OSBPL1A: variants seen among roughly 807,000 people sequenced by gnomAD.
The protein encoded by OSBPL1A is oxysterol-binding protein-related protein 1.
OSBPL1A carries 80 observed loss-of-function variants against 137.1 expected under a neutral mutation model. That is an observed-to-expected ratio of 0.58 (90% confidence interval 0.49 to 0.70). OSBPL1A has a LOEUF of 0.70. OSBPL1A is among the 30% of genes least tolerant of loss of function. OSBPL1A has a pLI of 0.00. For synonymous variants in OSBPL1A, 365 were observed against 389.7 expected, an observed-to-expected ratio of 0.94 and a Z score of 0.75; for missense variants, 970 against 1,129.4, an observed-to-expected ratio of 0.86 and a Z score of 2.02.
chr18:24,180,965 G>A (rs1321371292), intron 19 of OSBPL1A, among the ~76,000 whole-genome samples, 180 bp downstream of exon 19: 2 of 152,122 alleles, frequency 1.3e-5, no homozygotes, highest in African/African-American at 2.4e-5. Context: ...AATACTCATC[G>A]GTCTCTGCAC....
At chr18:24,207,095 C>T (rs115851215) in intron 17 of OSBPL1A, among the ~76,000 whole-genome samples, 47 of 152,232 alleles carry the variant, frequency 3.1e-4, no homozygotes, top group African/African-American at 1.1e-3. Context: ...ATGAAGAACA[C>T]AACAATCATT....
At chr18:24,243,189 G>C (rs887763755) in intron 15 of OSBPL1A, among the ~76,000 whole-genome samples, 1 of 152,038 alleles carries the variant, frequency 6.6e-6, no homozygotes, top group Non-Finnish European at 1.5e-5. Flanking sequence ...TCACGCCGTC[G>C]CACTCCAGCC....
intron 1 of OSBPL1A, among the ~76,000 whole-genome samples, chr18:24,396,846 C>G (rs995732971): frequency 1.3e-5 from 2 of 152,150 alleles, no homozygotes; most frequent in African/African-American, 4.8e-5. Context: ...AACTCCAAAT[C>G]CAGAATGCAC....
In OSBPL1A at chr18:24,259,487, G is replaced by T. The variant is rs568157632; in HGVS notation, c.1282-20105C>A. ...TCTGGCCAAGAAGAATGGAAATATT[G>T]TGCAAAGGATAGTAGAACTAATTAA... On this transcript the variant is annotated intron_variant, in intron 15 of 27. Transcript: ENST00000319481. Among the ~76,000 whole-genome samples the T allele has an allele frequency of 8.7e-4, 132 of 152,244 alleles. 1 individual carries two copies. Among genetic ancestry groups the T allele is most frequent in the African/African-American group, 3.0e-3 (126 of 41,550 alleles).
intron 1 of OSBPL1A, among the ~76,000 whole-genome samples, chr18:24,389,659 G>A (rs1434286346): frequency 6.6e-6 from 1 of 152,128 alleles, no homozygotes. Context: ...ATACAGAATT[G>A]GCCAGGTGCG....
intron 7 of OSBPL1A, among the ~76,000 whole-genome samples, chr18:24,330,006 G>A (rs945389671): frequency 6.6e-6 from 1 of 152,128 alleles, no homozygotes; most frequent in South Asian, 2.1e-4. Flanking sequence ...GTGGATCCAC[G>A]ACGGTACTTA....
chr18:24,164,396 T>C (rs887101201), intron 27 of OSBPL1A, among the ~76,000 whole-genome samples: 1 of 150,244 alleles, frequency 6.7e-6, no homozygotes, highest in Admixed American at 6.6e-5. Flanking sequence ...ACAGCCATTA[T>C]GGAAAACAGT....
chr18:24,194,931 T>A (rs536502064), intron 18 of OSBPL1A, among the ~76,000 whole-genome samples: 78 of 152,356 alleles, frequency 5.1e-4, no homozygotes, highest in African/African-American at 1.7e-3. Context: ...TTAATGTTTA[T>A]GAAATTTGTT....
chr18:24,227,502 G>C (rs1439477993), intron 16 of OSBPL1A, among the ~76,000 whole-genome samples: 2 of 152,322 alleles, frequency 1.3e-5, no homozygotes, highest in East Asian at 3.9e-4. Context: ...TCTGGTTCAG[G>C]TAAACAGATG....
In OSBPL1A at chr18:24,280,872, A is replaced by G; in HGVS notation, c.1251T>C (p.Asp417=). The G allele has an allele frequency of 1.9e-6, 3 of 1,605,174 alleles. No homozygotes were observed. The highest frequency in any genetic ancestry group is 2.5e-6 in the Non-Finnish European group (3 of 1,177,526). Reference sequence around the variant, plus strand: ...CTTGTTTGGTGAAGAGATTAAGGCAATCAGTCAAAGCTACACAAGTTTCTC... The same window carrying G: ...CTTGTTTGGTGAAGAGATTAAGGCAGTCAGTCAAAGCTACACAAGTTTCTC... The part of the protein sequence containing the change: ...ASRETCVALT[D]CLNLFTKQEG... The change falls in exon 15 of 28, where the codon GAT becomes GAC. Residue 417 remains aspartate (D), a synonymous_variant. Transcript: ENST00000319481.
At chr18:24,239,670 G>A (rs2146009127) in intron 15 of OSBPL1A, among the ~76,000 whole-genome samples, 1 of 152,104 alleles carries the variant, frequency 6.6e-6, no homozygotes, top group East Asian at 1.9e-4. Context: ...AGTCAATTCA[G>A]AAATCATACA....
chr18:24,315,730 T>C (rs1196502820), intron 11 of OSBPL1A, among the ~76,000 whole-genome samples: 4 of 121,514 alleles, frequency 3.3e-5, no homozygotes, highest in Admixed American at 2.2e-4. Context: ...ATGTAATATA[T>C]TATATAATAA....
At chr18:24,360,743 A>C (rs2091609101) in intron 4 of OSBPL1A, among the ~76,000 whole-genome samples, 1 of 151,958 alleles carries the variant, frequency 6.6e-6, no homozygotes, top group Non-Finnish European at 1.5e-5. Context: ...TTTTCTTCTC[A>C]CCTCCTAAAG....
chr18:24,280,212 T>TG, intron 15 of OSBPL1A, among the ~76,000 whole-genome samples: 1 of 152,234 alleles, frequency 6.6e-6, no homozygotes, highest in African/African-American at 2.4e-5. Context: ...CCCAAAGCGC[T>TG]GGGATTATAG....
chr18:24,298,711 C>T (rs1355196725), intron 14 of OSBPL1A, among the ~76,000 whole-genome samples: 2 of 152,236 alleles, frequency 1.3e-5, no homozygotes, highest in Admixed American at 6.5e-5. Context: ...GACCCCTTTC[C>T]TGTAACAGAA....
intron 16 of OSBPL1A, among the ~76,000 whole-genome samples, chr18:24,236,105 A>T (rs1482752217): frequency 6.6e-6 from 1 of 152,182 alleles, no homozygotes; most frequent in African/African-American, 2.4e-5. Context: ...TGATGTTGGA[A>T]CTTCTGACCA....
chr18:24,218,660 G>A (rs1435191170), intron 17 of OSBPL1A, among the ~76,000 whole-genome samples: 6 of 151,882 alleles, frequency 4.0e-5, no homozygotes, highest in Non-Finnish European at 5.9e-5. Context: ...TGGCCAGGCT[G>A]GTCTCGAACT....
intron 2 of OSBPL1A, 21 bp downstream of exon 2, chr18:24,377,392 C>T: frequency 1.3e-6 from 2 of 1,596,274 alleles, no homozygotes; most frequent in Admixed American, 1.8e-5. Context: ...GAGAAAGCTA[C>T]AAAATCCATT....
chr18:24,335,475 ACTGGCAATCCG>A (rs1366262342), intron 5 of OSBPL1A, among the ~76,000 whole-genome samples: 4 of 152,224 alleles, frequency 2.6e-5, no homozygotes, highest in Non-Finnish European at 2.9e-5. Flanking sequence ...GAAAAGAGCA[ACTGGCAATCCG>A]ATTTGTGTGA....
Sources: allele counts gnomAD v4.1 joint callset (sites outside exome capture counted in the v4.1 genomes callset), GRCh38; gene constraint gnomAD v4.1.1; transcripts MANE v1.5; gene names NCBI Gene and HGNC (gene_info 2026-07-23, HGNC 2026-07-21).